Variants in MITF observed in about 807,000 individuals in gnomAD.
MITF encodes melanocyte inducing transcription factor.
In MITF, 17 loss-of-function variants were observed where a neutral mutation model predicts 60.5. The observed-to-expected ratio is 0.28, with a 90% CI of 0.19 to 0.42. MITF has a LOEUF of 0.42. Ranked by LOEUF, MITF falls within the 10% of genes least tolerant of loss-of-function variation. The pLI, the probability that MITF is intolerant of heterozygous loss-of-function variation, is 1.00. For missense variants in MITF, 622 were observed against 683.5 expected, an observed-to-expected ratio of 0.91 and a Z score of 1.00; for synonymous variants, 260 against 248.5, an observed-to-expected ratio of 1.05 and a Z score of -0.43.
intron 1 of MITF, among the ~76,000 whole-genome samples, chr3:69,785,224 G>A (rs980579756): frequency 6.6e-6 from 1 of 152,074 alleles, no homozygotes; most frequent in Non-Finnish European, 1.5e-5. Flanking sequence ...GCTGAGTGGA[G>A]CAGTGAGTCA....
chr3:69,768,049 C>T (rs1295498160), intron 1 of MITF, among the ~76,000 whole-genome samples: 1 of 152,166 alleles, frequency 6.6e-6, no homozygotes, highest in South Asian at 2.1e-4. Flanking sequence ...TGTTCTGTAC[C>T]AAGCACCTGG....
At chr3:69,925,692 T>C (rs932666830) in intron 2 of MITF, among the ~76,000 whole-genome samples, 5 of 152,192 alleles carry the variant, frequency 3.3e-5, no homozygotes, top group Non-Finnish European at 5.9e-5. Context: ...CTCACTGACC[T>C]TGTCAGTACT....
chr3:69,739,813 C>A, intron 1 of MITF, 112 bp downstream of exon 1: 2 of 786,564 alleles, frequency 2.5e-6, no homozygotes, highest in Non-Finnish European at 4.3e-6. Context: ...GACCCAGTGC[C>A]CTTGCCCCGG....
At chr3:69,779,106 T>C (rs1161761083) in intron 1 of MITF, 2 of 152,232 alleles carry the variant, frequency 1.3e-5, no homozygotes, top group East Asian at 3.8e-4. Flanking sequence ...TAATTCAAGA[T>C]AGTCTCACCA....
chr3:69,808,770 T>G (rs2063053948), intron 1 of MITF, among the ~76,000 whole-genome samples: 1 of 152,042 alleles, frequency 6.6e-6, no homozygotes, highest in South Asian at 2.1e-4. Context: ...ATCTTTACCC[T>G]AACTGCCATG....
intron 1 of MITF, among the ~76,000 whole-genome samples, chr3:69,845,437 T>TG (rs2063713103): frequency 9.3e-6 from 1 of 107,072 alleles, no homozygotes; most frequent in Non-Finnish European, 2.4e-5. Context: ...TTTTCTTTTT[T>TG]CTTTCTTTTT....
chr3:69,952,755 A>AT lies in MITF; in HGVS notation c.955+872dup, dbSNP rs540170980. Among the ~76,000 whole-genome samples the AT allele has an allele frequency of 1.3e-4, 20 of 152,090 alleles. No homozygotes were observed. The East Asian group carries it at 3.7e-3, about 28-fold the overall frequency. The stretch of plus-strand genomic sequence containing the variant: ...TGCACACAGAAAATAAATCATATGG[A>AT]TTTCTATATGTTTTAACACAAACGG... On this transcript the variant is annotated intron_variant, in intron 7 of 9. Transcript: ENST00000352241.
chr3:69,888,331 G>T (rs996061538), intron 2 of MITF, among the ~76,000 whole-genome samples: 1 of 151,898 alleles, frequency 6.6e-6, no homozygotes, highest in African/African-American at 2.4e-5. Flanking sequence ...CTGCCTAAAG[G>T]TGACAAGATT....
chr3:69,952,858 GATCT>G (rs2066290609), intron 7 of MITF, among the ~76,000 whole-genome samples: 1 of 152,002 alleles, frequency 6.6e-6, no homozygotes, highest in Non-Finnish European at 1.5e-5. Flanking sequence ...TAGAAATCTA[GATCT>G]ATCTACTTTT....
chr3:69,942,573 G>C (rs2065994046), intron 5 of MITF, among the ~76,000 whole-genome samples: 1 of 151,844 alleles, frequency 6.6e-6, no homozygotes, highest in Non-Finnish European at 1.5e-5. Flanking sequence ...ATGATATTTA[G>C]AGTTTGTCTA....
chr3:69,799,586 G>C (rs2062884872), intron 1 of MITF, among the ~76,000 whole-genome samples: 1 of 152,112 alleles, frequency 6.6e-6, no homozygotes, highest in South Asian at 2.1e-4. Flanking sequence ...TTTAGCCTTT[G>C]TTTTGTCTTC....
intron 1 of MITF, among the ~76,000 whole-genome samples, chr3:69,764,476 G>A (rs766223381): frequency 2.6e-5 from 4 of 152,156 alleles, no homozygotes; most frequent in Non-Finnish European, 4.4e-5. Context: ...TAGGAACATA[G>A]GGATTTGAAA....
chr3:69,856,633 C>G (rs1575826670), intron 1 of MITF, among the ~76,000 whole-genome samples: 2 of 152,154 alleles, frequency 1.3e-5, no homozygotes, highest in South Asian at 4.1e-4. Flanking sequence ...TACCATGTTT[C>G]TCAAAGGAAG....
chr3:69,923,333 C>T (rs1043293691), intron 2 of MITF, among the ~76,000 whole-genome samples: 1 of 152,114 alleles, frequency 6.6e-6, no homozygotes, highest in Non-Finnish European at 1.5e-5. Context: ...TAACATAGCA[C>T]TCAGTAATTG....
At chr3:69,810,776 A>T (rs1446273034) in intron 1 of MITF, among the ~76,000 whole-genome samples, 2 of 152,206 alleles carry the variant, frequency 1.3e-5, no homozygotes, top group Non-Finnish European at 1.5e-5. Context: ...TGCAGTGTAC[A>T]TGGGACTGGT....
chr3:69,948,279 C>A (rs1408413880), intron 5 of MITF, among the ~76,000 whole-genome samples: 1 of 152,078 alleles, frequency 6.6e-6, no homozygotes, highest in Non-Finnish European at 1.5e-5. Context: ...CTGCTGCAAC[C>A]AGCTAGTTAC....
rs146068388 is a variant in MITF at position 69,786,434 on chromosome 3, GT to G, written c.104+46735del. Among the ~76,000 whole-genome samples the G allele has an allele frequency of 4.3e-3, 648 of 152,218 alleles. 6 individuals carry two copies. Among genetic ancestry groups the G allele is most frequent in the African/African-American group, 0.014 (598 of 41,528 alleles). On this transcript the variant is annotated intron_variant, in intron 1 of 9. Coordinates refer to ENST00000352241, the MANE Select transcript of MITF (RefSeq NM_001354604.2). Reference sequence around the variant, plus strand: ...TTTTGAAGTTCAAGGTCTTCATAATGTTCATATCAAATATCTAGAGTTCCTT... The same window carrying G: ...TTTTGAAGTTCAAGGTCTTCATAATGTCATATCAAATATCTAGAGTTCCTT...
In MITF at chr3:69,770,760, C is replaced by T. The variant is rs139773479; in HGVS notation, c.104+31059C>T. On this transcript the variant is annotated intron_variant, in intron 1 of 9. Transcript: ENST00000352241. ...AGATAAATAAGGTCAAAATTGAAGT[C>T]TAGTAAAGCTAGGTCCCAGGATGGT... 2.1e-3 allele frequency among the ~76,000 whole-genome samples: 321 copies of T among 152,250 alleles called. 1 individual carries two copies. The highest frequency in any genetic ancestry group is 7.3e-3 in the African/African-American group (305 of 41,542).
intron 2 of MITF, among the ~76,000 whole-genome samples, chr3:69,891,540 A>G (rs1336950982): frequency 1.3e-5 from 2 of 152,194 alleles, no homozygotes; most frequent in Non-Finnish European, 2.9e-5. Flanking sequence ...GGAGCTCATT[A>G]ATCTGTGTTT....
Sources: gnomAD v4.1 joint callset for allele counts (sites outside exome capture counted in the v4.1 genomes callset) on GRCh38, gnomAD v4.1.1 for gene constraint, MANE v1.5 for transcripts, NCBI Gene and HGNC (gene_info 2026-07-23, HGNC 2026-07-21) for gene names.